MAGI2: variants seen among roughly 807,000 people sequenced by gnomAD.
MAGI2 encodes membrane associated guanylate kinase, WW and PDZ domain containing 2, also known as membrane-associated guanylate kinase, WW and PDZ domain-containing protein 2.
Under a neutral mutation model 133.3 loss-of-function variants are expected in MAGI2, and 35 were observed. The ratio of observed to expected loss-of-function variants is 0.26; its 90% CI spans 0.20 to 0.35. The LOEUF (loss-of-function observed/expected upper bound fraction) is 0.35. Among genes scored for constraint, MAGI2 ranks in the 10% least tolerant of loss-of-function variants. MAGI2 has a pLI of 1.00. For synonymous variants in MAGI2, 729 were observed against 710.6 expected (o/e 1.03, Z -0.41); for missense variants, 1,636 against 1,863.4 (o/e 0.88, Z 2.25).
chr7:78,179,792 T>C (rs1216643311), intron 13 of MAGI2, among the ~76,000 whole-genome samples: 1 of 152,040 alleles, frequency 6.6e-6, no homozygotes, highest in Non-Finnish European at 1.5e-5. Flanking sequence ...TAAATAGAGG[T>C]GGTGGCAGAG....
chr7:78,557,899 G>A (rs1799990355), intron 3 of MAGI2, among the ~76,000 whole-genome samples: 1 of 151,958 alleles, frequency 6.6e-6, no homozygotes, highest in African/African-American at 2.4e-5. Flanking sequence ...GAGCACAAAT[G>A]TCATCTCTAT....
chr7:79,271,773 T>C (rs1834898458), intron 1 of MAGI2, among the ~76,000 whole-genome samples: 1 of 151,836 alleles, frequency 6.6e-6, no homozygotes, highest in South Asian at 2.1e-4. Context: ...CCAGATTTTA[T>C]ATTAAGTTGC....
chr7:78,777,659 C>A (rs757916902), intron 2 of MAGI2, among the ~76,000 whole-genome samples: 5 of 152,138 alleles, frequency 3.3e-5, no homozygotes, highest in African/African-American at 7.2e-5. Context: ...ATTATTATTA[C>A]AATATTTTCT....
At chr7:78,595,796 A>C (rs1804529295) in intron 3 of MAGI2, among the ~76,000 whole-genome samples, 1 of 152,160 alleles carries the variant, frequency 6.6e-6, no homozygotes, top group Non-Finnish European at 1.5e-5. Context: ...AAGTATTTTG[A>C]ATGTATCGGT....
chr7:79,444,665 G>C (rs1848720038), intron 1 of MAGI2, among the ~76,000 whole-genome samples: 1 of 151,868 alleles, frequency 6.6e-6, no homozygotes, highest in South Asian at 2.1e-4. Flanking sequence ...AATTAAAGAG[G>C]ATACAAACAA....
chr7:78,276,329 G>A (rs1021370812), intron 9 of MAGI2, among the ~76,000 whole-genome samples: 3 of 152,054 alleles, frequency 2.0e-5, no homozygotes, highest in Admixed American at 6.6e-5. Flanking sequence ...TTTTGTCTTA[G>A]TTTCATTTTC....
intron 2 of MAGI2, among the ~76,000 whole-genome samples, chr7:78,757,560 G>T (rs1824079166): frequency 6.6e-6 from 1 of 151,996 alleles, no homozygotes; most frequent in South Asian, 2.1e-4. Context: ...TTATTATCTT[G>T]AACTCTCAAT....
chr7:78,613,169 G>T (rs1216136462), intron 3 of MAGI2, among the ~76,000 whole-genome samples: 2 of 151,932 alleles, frequency 1.3e-5, no homozygotes, highest in Non-Finnish European at 2.9e-5. Context: ...GAAGAATCAG[G>T]GTACATTATA....
At chr7:79,369,979 G>A (rs1348692058) in intron 1 of MAGI2, among the ~76,000 whole-genome samples, 2 of 151,726 alleles carry the variant, frequency 1.3e-5, no homozygotes, top group Admixed American at 6.6e-5. Flanking sequence ...TATTATGTCT[G>A]TTTCTCTGTG....
At chr7:79,230,695 C>A (rs1831292298) in intron 1 of MAGI2, among the ~76,000 whole-genome samples, 1 of 151,718 alleles carries the variant, frequency 6.6e-6, no homozygotes, top group Admixed American at 6.6e-5. Context: ...GATATTAGCC[C>A]TTTGTCAGAT....
intron 1 of MAGI2, among the ~76,000 whole-genome samples, chr7:79,045,511 AG>A (rs1406398385): frequency 1.3e-5 from 2 of 152,232 alleles, no homozygotes; most frequent in Non-Finnish European, 2.9e-5. Flanking sequence ...TCCAAGTTGT[AG>A]AGATGGCAAA....
chr7:79,269,646 C>T (rs574351781), intron 1 of MAGI2, among the ~76,000 whole-genome samples: 1 of 152,198 alleles, frequency 6.6e-6, no homozygotes, highest in East Asian at 1.9e-4. Flanking sequence ...TATGAAACTG[C>T]CTTTGCAAAA....
chr7:78,247,430 CTG>C lies in MAGI2; in HGVS notation c.2047+8511_2047+8512del, dbSNP rs575935940. On this transcript the variant is annotated intron_variant, in intron 10 of 21. Coordinates refer to ENST00000354212, the MANE Select transcript of MAGI2 (RefSeq NM_012301.4). ...ACCCTACCAAAGGAACACAATAACTCTGTAACTAACCTCCAGAAAAAGGGAAA... is the reference window on the plus strand; with the variant it reads ...ACCCTACCAAAGGAACACAATAACTCTAACTAACCTCCAGAAAAAGGGAAA... 1.4e-3 allele frequency among the ~76,000 whole-genome samples: 217 copies of C among 152,210 alleles called. 3 individuals carry two copies. The highest frequency in any genetic ancestry group is 5.0e-3 in the African/African-American group (207 of 41,538).
At chr7:79,294,366 A>C (rs1285765763) in intron 1 of MAGI2, among the ~76,000 whole-genome samples, 2 of 151,716 alleles carry the variant, frequency 1.3e-5, no homozygotes, top group African/African-American at 2.4e-5. Context: ...GAAAAAAAAA[A>C]CTCAGCAAAG....
chr7:78,521,768 A>G (rs1460161946), intron 3 of MAGI2, 123 bp from the exon 4 acceptor site: 2 of 671,592 alleles, frequency 3.0e-6, no homozygotes, highest in Non-Finnish European at 5.2e-6. Flanking sequence ...ACATAGACAC[A>G]TACATATATA....
At chr7:78,923,269 A>T (rs917016625) in intron 2 of MAGI2, among the ~76,000 whole-genome samples, 1 of 152,184 alleles carries the variant, frequency 6.6e-6, no homozygotes, top group Non-Finnish European at 1.5e-5. Flanking sequence ...GTCCTTGCCC[A>T]TGCCCATGTC....
intron 2 of MAGI2, among the ~76,000 whole-genome samples, chr7:78,972,305 T>C (rs945238929): frequency 1.3e-5 from 2 of 151,902 alleles, no homozygotes; most frequent in African/African-American, 2.4e-5. Flanking sequence ...TCAGAAAATA[T>C]TTCCTTCCTT....
In MAGI2 at chr7:78,512,940, A is replaced by G. The variant is rs144648795; in HGVS notation, c.754+8490T>C. Among the ~76,000 whole-genome samples the G allele has an allele frequency of 9.9e-3, 1,503 of 152,306 alleles. 27 individuals are homozygous for G. The highest frequency in any genetic ancestry group is 0.034 in the African/African-American group (1,431 of 41,564). ...CACAGAAAGATTAGTAGAGGAAATTATTTTAGATTAACAGGGGAGAAGAAA... is the reference window on the plus strand; with the variant it reads ...CACAGAAAGATTAGTAGAGGAAATTGTTTTAGATTAACAGGGGAGAAGAAA... On this transcript the variant is annotated intron_variant, in intron 4 of 21. Coordinates refer to ENST00000354212, the MANE Select transcript of MAGI2 (RefSeq NM_012301.4).
chr7:79,103,866 A>T (rs1584937103), intron 1 of MAGI2, among the ~76,000 whole-genome samples: 2 of 151,182 alleles, frequency 1.3e-5, no homozygotes, highest in African/African-American at 4.9e-5. Flanking sequence ...CACCTGGCTA[A>T]TTTTTTTTAT....
Sources: allele counts gnomAD v4.1 joint callset (sites outside exome capture counted in the v4.1 genomes callset), GRCh38; gene constraint gnomAD v4.1.1; transcripts MANE v1.5; gene names NCBI Gene and HGNC (gene_info 2026-07-23, HGNC 2026-07-21).